The following ZFYVE21 variants were observed in gnomAD, a reference collection of about 807,000 sequenced individuals.
ZFYVE21 encodes zinc finger FYVE-type containing 21.
A neutral mutation model predicts 29.5 loss-of-function variants in ZFYVE21; 21 were observed. The ratio of observed to expected loss-of-function variants is 0.71; its 90% CI spans 0.50 to 1.02. The LOEUF is 1.02. Among genes scored for constraint, ZFYVE21 ranks in the 50% least tolerant of loss-of-function variants. The probability of loss-of-function intolerance (pLI) is 0.00; values close to 1 mark genes in which losing one functional copy is unlikely to be tolerated. For missense variants in ZFYVE21, 326 were observed against 335.4 expected (o/e 0.97, Z 0.22); for synonymous variants, 151 against 133.8 (o/e 1.13, Z -0.89).
At chr14:103,726,587 A>G in intron 1 of ZFYVE21, 2 of 634,090 alleles carry the variant, frequency 3.2e-6, no homozygotes, top group Non-Finnish European at 5.6e-6. Context: ...CAGGCCTGGG[A>G]GCAGCCTGCA....
chr14:103,728,649 G>T, intron 3 of ZFYVE21: 1 of 453,876 alleles, frequency 2.2e-6, no homozygotes, highest in African/African-American at 2.0e-5. Flanking sequence ...TGCATCGTTT[G>T]AAGGATGTAA....
Position 103,727,890 on chromosome 14 carries a change from A to T in ZFYVE21, c.334A>T (p.Lys112Ter). 1.2e-6 allele frequency: 2 copies of T among 1,612,702 alleles called. No individual in the cohort carries two copies. Among genetic ancestry groups the T allele is most frequent in the Non-Finnish European group, 1.7e-6 (2 of 1,179,506 alleles). The change falls in exon 3 of 7, where the codon AAG (lysine) becomes TAG (stop). Residue 112 changes from lysine to a stop codon, truncating the protein, a stop_gained. Transcript: ENST00000311141. LOFTEE classifies it high-confidence loss of function. ...VSLKEAEFYD[K>*]QLKVLLSGAT... ...CCTCAAGGAGGCGGAGTTCTACGACAAGCAGCTCAAAGTGCTCCTGAGCGG... is the reference window on the plus strand; with the variant it reads ...CCTCAAGGAGGCGGAGTTCTACGACTAGCAGCTCAAAGTGCTCCTGAGCGG...
At chr14:103,725,490 C>G (rs2083914948) in intron 1 of ZFYVE21, 1 of 152,324 alleles carries the variant, frequency 6.6e-6, no homozygotes, top group Non-Finnish European at 1.5e-5. Flanking sequence ...TGGCTGTGGC[C>G]AGTCCTGAGG....
At position 103,715,818 on chromosome 14, in the gene ZFYVE21, T is replaced by A. The variant is rs1293602267; in HGVS notation, c.-24T>A. ...GGCGAGGGGCCGGGTGCGGGGCCGC[T>A]GGCCGAGAGGCTGAGGCGGCGTCAT... is the stretch of plus-strand genomic sequence containing the variant. On this transcript the variant is annotated 5_prime_UTR_variant, in exon 1 of 7. Transcript: ENST00000311141. 2 of 1,341,090 alleles carry A rather than the reference T, an allele frequency of 1.5e-6. No individual in the cohort carries two copies. The highest frequency in any genetic ancestry group is 3.1e-5 in the African/African-American group (2 of 65,208). 83.1% of individuals were successfully genotyped at this position (1,341,090 alleles called of 1,614,324 possible).
chr14:103,722,092 G>A (rs2083877151), intron 1 of ZFYVE21, among the ~76,000 whole-genome samples: 1 of 152,248 alleles, frequency 6.6e-6, no homozygotes, highest in South Asian at 2.1e-4. Context: ...CCGGCTTGCT[G>A]TCCTGCGCTT....
chr14:103,716,619 A>G lies in ZFYVE21; in HGVS notation c.138+640A>G, dbSNP rs1595686075. On this transcript the variant is annotated intron_variant, in intron 1 of 6. Coordinates refer to ENST00000311141, the MANE Select transcript of ZFYVE21 (RefSeq NM_024071.4). This position sits in a 1 kb window ranked among gnomAD's most constrained non-coding sequence, Gnocchi z 4.8. ...CTCGGAAGCGAGGTCGCAGTCGCCC[A>G]CTGGACAGTTTGAAGGAGACCGCAG... Among the ~76,000 whole-genome samples, 5 of 152,262 alleles carry G rather than the reference A, an allele frequency of 3.3e-5. No homozygotes were observed. In the South Asian group the frequency reaches 8.3e-4, roughly 25 times the overall value.
rs2084002455 is a variant in ZFYVE21 at position 103,733,135 on chromosome 14, A to G, written c.*117A>G. The G allele has an allele frequency of 1.8e-5, 25 of 1,358,434 alleles. No individual in the cohort carries two copies. The highest frequency in any genetic ancestry group is 8.7e-5 in the South Asian group (7 of 80,726). 84.1% of individuals were successfully genotyped at this position (1,358,434 alleles called of 1,614,324 possible). On this transcript the variant is annotated 3_prime_UTR_variant, in exon 7 of 7. Transcript: ENST00000311141. ...AATCCTGCTTGTGCTGGGAAATGCA[A>G]CTCACTCATGTATTTGGAGAAACAG...
chr14:103,722,259 C>T (rs2083879557), intron 1 of ZFYVE21, among the ~76,000 whole-genome samples: 1 of 152,010 alleles, frequency 6.6e-6, no homozygotes, highest in Non-Finnish European at 1.5e-5. Flanking sequence ...TATTTAAAAG[C>T]CTATACATCT....
intron 1 of ZFYVE21, among the ~76,000 whole-genome samples, chr14:103,721,051 C>A (rs148601475): frequency 4.9e-4 from 74 of 152,262 alleles, no homozygotes; most frequent in Middle Eastern, 3.4e-3. Context: ...GTCTGAAACT[C>A]CTGAGCTCCA....
chr14:103,731,875 G>A (rs941482317), intron 5 of ZFYVE21: 1 of 152,250 alleles, frequency 6.6e-6, no homozygotes, highest in African/African-American at 2.4e-5. Context: ...TTCAACACCA[G>A]CCCTGACTGA....
At chr14:103,728,399 C>A (rs371483368) in intron 3 of ZFYVE21, among the ~76,000 whole-genome samples, 1 of 152,080 alleles carries the variant, frequency 6.6e-6, no homozygotes, top group Non-Finnish European at 1.5e-5. Context: ...CCCCACTGTC[C>A]GTCCACCTCT....
At chr14:103,732,294 C>T (rs1332511569) in intron 5 of ZFYVE21, 9 of 208,862 alleles carry the variant, frequency 4.3e-5, no homozygotes, top group Admixed American at 1.2e-4. Context: ...GGCAGGAACC[C>T]CCACAGGCCC....
Position 103,715,969 on chromosome 14 carries a change from C to G in ZFYVE21, c.128C>G (p.Pro43Arg), listed in dbSNP as rs1162601638. 3 of 1,349,386 alleles carry G rather than the reference C, an allele frequency of 2.2e-6. No individual in the cohort carries two copies. Among genetic ancestry groups the G allele is most frequent in the South Asian group, 1.6e-5 (1 of 60,656 alleles). The allele number at this position is 1,349,386 out of a possible 1,614,324, so 83.6% of individuals were successfully genotyped here. ...GGCCTGGAGGAGCCGCAGTGGGTCC[C>G]GGACAAGGAGGTGGGTGGCCGTCGC... ...PFGLEEPQWV[P>R]DKECRRCMQC... The change falls in exon 1 of 7, where the codon CCG (proline) becomes CGG (arginine). Residue 43 changes from proline to arginine, a missense_variant. By Grantham distance (103) the Pro-to-Arg change is moderately radical. Transcript: ENST00000311141.
Position 103,716,005 on chromosome 14 carries a change from G to A in ZFYVE21, c.138+26G>A. On this transcript the variant is annotated intron_variant, in intron 1 of 6. Transcript: ENST00000311141. The surrounding 1 kb of genome is among the most constrained non-coding windows in gnomAD (Gnocchi z 4.8). ...GTGGGTGGCCGTCGCCCCGGCCAGC[G>A]CCTCCGACCCGCCCCGCCGCCCCGG... 1 of 1,209,644 alleles carries A rather than the reference G, an allele frequency of 8.3e-7. No homozygotes were observed. The highest frequency in any genetic ancestry group is 1.0e-6 in the Non-Finnish European group (1 of 968,320). 74.9% of individuals were successfully genotyped at this position (1,209,644 alleles called of 1,614,324 possible).
intron 1 of ZFYVE21, among the ~76,000 whole-genome samples, chr14:103,722,216 T>C (rs1027916878): frequency 2.6e-5 from 4 of 152,240 alleles, no homozygotes; most frequent in Middle Eastern, 3.2e-3. Flanking sequence ...TTTTTAAATT[T>C]CTTTCACTAA....
chr14:103,719,632 G>C (rs574437539), intron 1 of ZFYVE21, among the ~76,000 whole-genome samples: 1 of 150,840 alleles, frequency 6.6e-6, no homozygotes, highest in South Asian at 2.1e-4. Flanking sequence ...TCGGTGGAAG[G>C]CTTTCCCAGC....
chr14:103,716,060 G>C lies in ZFYVE21; in HGVS notation c.138+81G>C. 8.7e-7 allele frequency: 1 copy of C among 1,148,560 alleles called. No individual in the cohort carries two copies. Among genetic ancestry groups the C allele is most frequent in the Non-Finnish European group, 1.1e-6 (1 of 931,544 alleles). 71.1% of individuals were successfully genotyped at this position (1,148,560 alleles called of 1,614,324 possible). A position where few individuals can be genotyped will look rare whatever the true frequency, so the allele number is the denominator to read the frequency against. On this transcript the variant is annotated intron_variant, in intron 1 of 6. Coordinates refer to ENST00000311141, the MANE Select transcript of ZFYVE21 (RefSeq NM_024071.4). The surrounding 1 kb of genome is among the most constrained non-coding windows in gnomAD (Gnocchi z 4.8). ...GCCCCGCGGGCTTCCAGGCTCCCGC[G>C]ACGACCCCTCCGCCTCCGGGCGGCC...
intron 3 of ZFYVE21, 97 bp from the exon 4 acceptor site, chr14:103,728,811 C>T: frequency 4.2e-6 from 5 of 1,195,494 alleles, no homozygotes; most frequent in East Asian, 2.4e-5. Context: ...TGTTTTTACT[C>T]TGTCCTCTGT....
Position 103,729,075 on chromosome 14 carries a change from C to T in ZFYVE21, c.435-16C>T. The T allele has an allele frequency of 6.2e-7, 1 of 1,614,010 alleles. No individual in the cohort carries two copies. Among genetic ancestry groups the T allele is most frequent in the East Asian group, 2.2e-5 (1 of 44,870 alleles). ...GCCTGAGAATGACCCGATTTGGACA[C>T]TTTTATTTGATGTAGATACTTGTTT... On this transcript the variant is annotated splice_polypyrimidine_tract_variant and intron_variant, in intron 4 of 6. Coordinates refer to ENST00000311141, the MANE Select transcript of ZFYVE21 (RefSeq NM_024071.4).
Sources: gnomAD v4.1 joint callset for allele counts (sites outside exome capture counted in the v4.1 genomes callset) on GRCh38, gnomAD v4.1.1 for gene constraint, Gnocchi (gnomAD v3.1) non-coding constraint, MANE v1.5 for transcripts, NCBI Gene and HGNC (gene_info 2026-07-23, HGNC 2026-07-21) for gene names.